GPHN: variants seen among roughly 807,000 people sequenced by gnomAD.
GPHN encodes gephyrin.
GPHN carries 17 observed loss-of-function variants against 95.5 expected under a neutral mutation model. That is an observed-to-expected ratio of 0.18 (90% CI 0.12 to 0.27). The LOEUF is 0.27. Ranked by LOEUF, GPHN falls within the 10% of genes least tolerant of loss-of-function variation. GPHN has a pLI of 1.00. For synonymous variants in GPHN, 320 were observed against 322.5 expected, an observed-to-expected ratio of 0.99 and a Z score of 0.08; for missense variants, 660 against 978.1, an observed-to-expected ratio of 0.67 and a Z score of 4.34.
the GPHN span, chr14:67,198,142 T>C: frequency 1.9e-6 from 3 of 1,598,500 alleles, no homozygotes; most frequent in Non-Finnish European, 2.6e-6. Context: ...TCAGTTTTTT[T>C]ATGTTTATGT....
chr14:66,530,852 T>G (rs2058897150), intron 1 of GPHN, among the ~76,000 whole-genome samples: 1 of 152,074 alleles, frequency 6.6e-6, no homozygotes, highest in African/African-American at 2.4e-5. Context: ...ACAAATCACC[T>G]GCCTTCTGCG....
intron 3 of GPHN, among the ~76,000 whole-genome samples, chr14:66,805,933 C>A (rs897827546): frequency 6.6e-6 from 1 of 152,220 alleles, no homozygotes; most frequent in African/African-American, 2.4e-5. Flanking sequence ...CTGCTAGGCA[C>A]TGCCCCAGTA....
In GPHN at chr14:66,838,423, T is replaced by A. The variant is rs139489625; in HGVS notation, c.294+13857T>A. 5.7e-4 allele frequency among the ~76,000 whole-genome samples: 87 copies of A among 152,208 alleles called. 2 individuals are homozygous for A. The East Asian group carries it at 0.017, about 29-fold the overall frequency. The stretch of plus-strand genomic sequence containing the variant: ...GAACTTAAAGTACACAATAGTATAG[T>A]TGCAGAAAAGGAAAAAGAAATATCA... On this transcript the variant is annotated intron_variant, in intron 4 of 22. Coordinates refer to ENST00000478722, the MANE Select transcript of GPHN (RefSeq NM_020806.5).
chr14:67,195,689 T>C, the GPHN span, among the ~76,000 whole-genome samples: 1 of 151,674 alleles, frequency 6.6e-6, no homozygotes, highest in Non-Finnish European at 1.5e-5. Context: ...CTGCTAATTA[T>C]AGAACTTAAT....
the GPHN span, chr14:67,651,245 C>T: frequency 1.3e-6 from 2 of 1,508,470 alleles, no homozygotes; most frequent in Non-Finnish European, 1.8e-6. Context: ...CATCTTTCCT[C>T]CCTCCTCCCA....
chr14:67,301,507 C>T, the GPHN span: 2 of 1,424,796 alleles, frequency 1.4e-6, no homozygotes, highest in South Asian at 2.6e-5. Flanking sequence ...GTTTTTCCAG[C>T]ATTCTTCTAT....
intron 17 of GPHN, among the ~76,000 whole-genome samples, chr14:67,125,301 A>G (rs2079234052): frequency 6.6e-6 from 1 of 152,168 alleles, no homozygotes; most frequent in African/African-American, 2.4e-5. Context: ...TATTTAATCT[A>G]CAGCCTATTG....
the GPHN span, chr14:67,454,696 A>T: frequency 6.6e-6 from 1 of 152,210 alleles, no homozygotes; most frequent in African/African-American, 2.4e-5. Flanking sequence ...AAAGTAAGAA[A>T]ATATATCATT....
At chr14:67,580,121 C>G in the GPHN span, 20 of 449,034 alleles carry the variant, frequency 4.5e-5, no homozygotes, top group Non-Finnish European at 7.3e-5. Context: ...AGTGGCTGTG[C>G]AGCGTCCAGA....
At chr14:66,620,508 G>A (rs576390015) in intron 1 of GPHN, among the ~76,000 whole-genome samples, 3 of 152,158 alleles carry the variant, frequency 2.0e-5, no homozygotes, top group South Asian at 4.2e-4. Flanking sequence ...GACCTCATGA[G>A]AACTCATTCA....
the GPHN span, chr14:67,347,579 G>A: frequency 6.9e-4 from 501 of 724,862 alleles, 7 homozygotes; most frequent in South Asian, 7.8e-3. Flanking sequence ...TCGCCTCACC[G>A]CAACCTCTGC....
the GPHN span, among the ~76,000 whole-genome samples, chr14:67,507,922 T>C: frequency 6.6e-6 from 1 of 152,138 alleles, no homozygotes; most frequent in Non-Finnish European, 1.5e-5. Context: ...GCAGTTCACC[T>C]GAGGTTGGGA....
chr14:66,799,945 T>A (rs1211921621), intron 3 of GPHN, among the ~76,000 whole-genome samples: 3 of 152,062 alleles, frequency 2.0e-5, no homozygotes, highest in Non-Finnish European at 4.4e-5. Context: ...TCTTGCTTTT[T>A]ATTTTTTTCT....
At chr14:67,023,505 T>C in intron 9 of GPHN, 128 bp from the exon 10 acceptor site, 1 of 681,828 alleles carries the variant, frequency 1.5e-6, no homozygotes, top group Non-Finnish European at 2.7e-6. Context: ...TACTAACATG[T>C]TATGACATCT....
At chr14:66,926,313 G>C (rs768517727) in intron 8 of GPHN, among the ~76,000 whole-genome samples, 1 of 152,094 alleles carries the variant, frequency 6.6e-6, no homozygotes, top group African/African-American at 2.4e-5. Flanking sequence ...AGAAATCTTT[G>C]CCCAGTCCAA....
chr14:67,321,094 T>C, the GPHN span: 10 of 1,614,100 alleles, frequency 6.2e-6, no homozygotes, highest in Non-Finnish European at 8.5e-6. Flanking sequence ...AAGTAGCCGG[T>C]AGAGATTACC....
chr14:66,787,490 A>C (rs2059818206), intron 3 of GPHN, among the ~76,000 whole-genome samples: 1 of 152,178 alleles, frequency 6.6e-6, no homozygotes, highest in African/African-American at 2.4e-5. Flanking sequence ...TCATTCTAAA[A>C]TTATATGGAA....
chr14:67,263,666 G>A, the GPHN span, among the ~76,000 whole-genome samples: 4 of 152,204 alleles, frequency 2.6e-5, no homozygotes, highest in East Asian at 1.9e-4. Flanking sequence ...TTCTGACCTC[G>A]AAAAACAACT....
intron 1 of GPHN, chr14:66,509,247 G>A (rs978166855): frequency 6.5e-6 from 1 of 152,736 alleles, no homozygotes; most frequent in African/African-American, 2.4e-5. Context: ...CCGCGCAAAA[G>A]GCCCTCTGTC....
Sources: allele counts gnomAD v4.1 joint callset (sites outside exome capture counted in the v4.1 genomes callset), GRCh38; gene constraint gnomAD v4.1.1; transcripts MANE v1.5; gene names NCBI Gene and HGNC (gene_info 2026-07-23, HGNC 2026-07-21).